The following STK3 variants were observed in gnomAD, a reference collection of about 807,000 sequenced individuals.
The protein encoded by STK3 is serine/threonine-protein kinase 3.
In STK3, 41 loss-of-function variants were observed where a neutral mutation model predicts 58.0. That is an observed-to-expected ratio of 0.71 (90% CI 0.55 to 0.92). The LOEUF is 0.92. Among genes scored for constraint, STK3 ranks in the 40% least tolerant of loss-of-function variants. STK3 has a pLI of 0.00. For missense variants in STK3, 479 were observed against 602.7 expected (o/e 0.79, Z 2.15); for synonymous variants, 170 against 191.0 (o/e 0.89, Z 0.91).
intron 8 of STK3, among the ~76,000 whole-genome samples, chr8:98,563,085 G>T (rs1812189889): frequency 6.6e-6 from 1 of 150,968 alleles, no homozygotes; most frequent in African/African-American, 2.4e-5. Flanking sequence ...GAGAAGAAAA[G>T]GTACTAACCT....
intron 6 of STK3, among the ~76,000 whole-genome samples, chr8:98,614,184 A>G (rs1212565577): frequency 6.6e-6 from 1 of 152,222 alleles, no homozygotes; most frequent in Non-Finnish European, 1.5e-5. Context: ...CACCATCAAC[A>G]AAATTTATAG....
At chr8:98,801,016 G>A (rs551668985) in intron 1 of STK3, among the ~76,000 whole-genome samples, 132 of 152,364 alleles carry the variant, frequency 8.7e-4, no homozygotes, top group African/African-American at 3.0e-3. Flanking sequence ...CGTGGCCCTG[G>A]CATGGGATTC....
At chr8:98,793,791 G>A (rs562241086) in intron 1 of STK3, among the ~76,000 whole-genome samples, 30 of 150,828 alleles carry the variant, frequency 2.0e-4, no homozygotes, top group Admixed American at 4.6e-4. Context: ...CCACATGCTC[G>A]GCCATAAAAC....
Position 98,527,780 on chromosome 8 carries a change from T to A in STK3, c.1142-863A>T, listed in dbSNP as rs1476658831. Among the ~76,000 whole-genome samples, 3 of 152,150 alleles carry A rather than the reference T, an allele frequency of 2.0e-5. No individual in the cohort carries two copies. The East Asian group carries it at 5.8e-4, about 29-fold the overall frequency. On this transcript the variant is annotated intron_variant, in intron 9 of 10. Transcript: ENST00000419617. Reference sequence around the variant, plus strand: ...CATGGCTTCGCCTGCCACACTTACATCCATGTCTCCCAACACTACTTCTCT... The same window carrying A: ...CATGGCTTCGCCTGCCACACTTACAACCATGTCTCCCAACACTACTTCTCT...
At chr8:98,592,974 G>A (rs1294397490) in intron 7 of STK3, among the ~76,000 whole-genome samples, 1 of 152,048 alleles carries the variant, frequency 6.6e-6, no homozygotes, top group Non-Finnish European at 1.5e-5. Flanking sequence ...ATGTTGGCCA[G>A]GCTGGTCTTG....
intron 3 of STK3, among the ~76,000 whole-genome samples, chr8:98,759,916 A>G (rs1417484889): frequency 6.6e-6 from 1 of 152,224 alleles, no homozygotes; most frequent in African/African-American, 2.4e-5. Context: ...GTATTTGCAT[A>G]TAACTACATA....
At chr8:98,738,703 A>C (rs369443237) in intron 4 of STK3, among the ~76,000 whole-genome samples, 1 of 152,194 alleles carries the variant, frequency 6.6e-6, no homozygotes, top group East Asian at 1.9e-4. Flanking sequence ...CTGAGGTACC[A>C]GGTTCATCTC....
At chr8:98,889,813 G>A (rs1243425002) in intron 1 of STK3, 3 of 152,194 alleles carry the variant, frequency 2.0e-5, no homozygotes, top group Non-Finnish European at 2.9e-5. Flanking sequence ...GAGGGGGTCC[G>A]AAGAATATGC....
chr8:98,752,805 G>C (rs112253522), intron 3 of STK3, among the ~76,000 whole-genome samples: 1,709 of 151,406 alleles, frequency 0.011, 32 homozygotes, highest in African/African-American at 0.038. Context: ...GACATGAACA[G>C]ATACTTTTCA....
chr8:98,825,510 G>T lies in STK3; in HGVS notation c.26+5C>A. 1.4e-6 allele frequency: 2 copies of T among 1,457,146 alleles called. No individual in the cohort carries two copies. The highest frequency in any genetic ancestry group is 1.3e-5 in the South Asian group (1 of 77,266). The allele number at this position is 1,457,146 out of a possible 1,614,324, so 90.3% of individuals were successfully genotyped here. A position where few individuals can be genotyped will look rare whatever the true frequency, so the allele number is the denominator to read the frequency against. On this transcript the variant is annotated splice_donor_5th_base_variant and intron_variant, in intron 1 of 10. Coordinates refer to ENST00000419617, the MANE Select transcript of STK3 (RefSeq NM_006281.4). The stretch of plus-strand genomic sequence containing the variant: ...CCTCCTTCTTCCCGCTCCCCGATTC[G>T]TTACCTCTTAGGCGCCGGCGGCTGC...
intron 3 of STK3, among the ~76,000 whole-genome samples, chr8:98,837,037 G>A (rs1013511409): frequency 1.3e-5 from 2 of 152,100 alleles, no homozygotes; most frequent in African/African-American, 4.8e-5. Context: ...ACTGAAAAAG[G>A]CAAATAATAT....
chr8:98,885,102 G>A (rs1476371725), intron 1 of STK3, among the ~76,000 whole-genome samples: 3 of 152,180 alleles, frequency 2.0e-5, no homozygotes, highest in Non-Finnish European at 4.4e-5. Context: ...CATTGTAACT[G>A]GCCACATTAT....
rs7010064 is a variant in STK3 at position 98,472,239 on chromosome 8, G to A, written c.1318-16239C>T. Among the ~76,000 whole-genome samples the A allele has an allele frequency of 8.4e-4, 128 of 152,254 alleles. 1 individual carries two copies. The highest frequency in any genetic ancestry group is 1.3e-3 in the Non-Finnish European group (86 of 68,010). On this transcript the variant is annotated intron_variant, in intron 10 of 10. Coordinates refer to ENST00000419617, the MANE Select transcript of STK3 (RefSeq NM_006281.4). The stretch of plus-strand genomic sequence containing the variant: ...CACTATACAATGCAGTTAAATATAT[G>A]TAGTTTACTGCCCATAATAAATTTT...
the STK3 span, among the ~76,000 whole-genome samples, chr8:98,350,151 T>A: frequency 6.6e-6 from 1 of 152,226 alleles, no homozygotes; most frequent in African/African-American, 2.4e-5. Flanking sequence ...AATGCTTTGC[T>A]GCTTAGAAAT....
intron 1 of STK3, among the ~76,000 whole-genome samples, chr8:98,775,489 G>A (rs913049411): frequency 6.6e-5 from 10 of 152,286 alleles, no homozygotes; most frequent in Non-Finnish European, 1.5e-4. Context: ...TGCCCCACAC[G>A]GAGCCAAGAC....
At chr8:98,753,036 T>C (rs2131371780) in intron 3 of STK3, among the ~76,000 whole-genome samples, 1 of 151,952 alleles carries the variant, frequency 6.6e-6, no homozygotes, top group South Asian at 2.1e-4. Flanking sequence ...TCAACCATTG[T>C]GGAAGATAGT....
At chr8:98,885,703 G>A (rs1173858504) in intron 1 of STK3, among the ~76,000 whole-genome samples, 3 of 152,170 alleles carry the variant, frequency 2.0e-5, no homozygotes, top group Non-Finnish European at 4.4e-5. Context: ...GCCTCCCAAA[G>A]TGCTGGGATT....
chr8:98,888,794 C>T (rs1838089041), intron 1 of STK3, among the ~76,000 whole-genome samples: 1 of 152,226 alleles, frequency 6.6e-6, no homozygotes, highest in African/African-American at 2.4e-5. Flanking sequence ...TTTGAACTAG[C>T]ACACCAGTCA....
rs77794775 is a variant in STK3, at chr8:98,705,673, A to G, written c.684+794T>C. ...TATCTTCTCTTTTCTACAAATACAC[A>G]CATACATACACTCCTCCCCTCATTC... On this transcript the variant is annotated intron_variant, in intron 6 of 10. Transcript: ENST00000419617. Among the ~76,000 whole-genome samples the G allele has an allele frequency of 6.8e-3, 1,034 of 152,206 alleles. 10 individuals carry two copies. Among genetic ancestry groups the G allele is most frequent in the African/African-American group, 0.023 (941 of 41,520 alleles).
Sources: gnomAD v4.1 joint callset for allele counts (sites outside exome capture counted in the v4.1 genomes callset) on GRCh38, gnomAD v4.1.1 for gene constraint, MANE v1.5 for transcripts, NCBI Gene and HGNC (gene_info 2026-07-23, HGNC 2026-07-21) for gene names.